Variants in ADAMTSL1 observed in about 807,000 individuals in gnomAD.
ADAMTSL1 encodes the protein ADAMTS-like protein 1.
A neutral mutation model predicts 201.8 loss-of-function variants in ADAMTSL1; 126 were observed. That is an observed-to-expected ratio of 0.62 (90% CI 0.54 to 0.72). ADAMTSL1 has a LOEUF of 0.72. ADAMTSL1 is among the 30% of genes least tolerant of loss of function. The probability of loss-of-function intolerance (pLI) is 0.00; values close to 1 mark genes in which losing one functional copy is unlikely to be tolerated. For synonymous variants in ADAMTSL1, 1,121 were observed against 903.4 expected, an observed-to-expected ratio of 1.24 and a Z score of -4.32; for missense variants, 2,679 against 2,277.8, an observed-to-expected ratio of 1.18 and a Z score of -3.59.
chr9:18,767,367 A>C (rs981246512), intron 16 of ADAMTSL1, among the ~76,000 whole-genome samples: 4 of 152,210 alleles, frequency 2.6e-5, no homozygotes, highest in African/African-American at 9.6e-5. Flanking sequence ...TATAGTCCCC[A>C]AATTTGGCAA....
At chr9:18,158,028 A>C (rs1320971239) in intron 1 of ADAMTSL1, among the ~76,000 whole-genome samples, 1 of 152,010 alleles carries the variant, frequency 6.6e-6, no homozygotes, top group Non-Finnish European at 1.5e-5. Flanking sequence ...TCACAGAGGT[A>C]AACAGAAGGT....
intron 3 of ADAMTSL1, among the ~76,000 whole-genome samples, chr9:18,544,187 T>C (rs1439537776): frequency 6.6e-6 from 1 of 152,180 alleles, no homozygotes; most frequent in Admixed American, 6.5e-5. Flanking sequence ...ACAATGGAAA[T>C]ACATGGGAAA....
At chr9:18,616,448 T>A (rs1825707631) in intron 4 of ADAMTSL1, among the ~76,000 whole-genome samples, 1 of 152,236 alleles carries the variant, frequency 6.6e-6, no homozygotes, top group South Asian at 2.1e-4. Context: ...TATATGACAT[T>A]GTCTTTCAGA....
At chr9:18,796,609 C>G (rs903849863) in intron 20 of ADAMTSL1, 5 of 152,262 alleles carry the variant, frequency 3.3e-5, no homozygotes, top group African/African-American at 1.2e-4. Context: ...CCCATGACTT[C>G]AGGCTGATCT....
intron 5 of ADAMTSL1, among the ~76,000 whole-genome samples, chr9:18,633,638 CTT>C (rs58807960): frequency 0.17 from 21,335 of 123,668 alleles, 2,193 homozygotes; most frequent in African/African-American, 0.33. Context: ...CTAATCTTAA[CTT>C]TTTTTTTTTT....
At chr9:18,387,314 C>A (rs1207824753) in intron 2 of ADAMTSL1, among the ~76,000 whole-genome samples, 1 of 151,954 alleles carries the variant, frequency 6.6e-6, no homozygotes, top group Admixed American at 6.6e-5. Flanking sequence ...ACCAGTCTTA[C>A]AGACATATAG....
chr9:18,079,609 G>A (rs542036644), intron 1 of ADAMTSL1, among the ~76,000 whole-genome samples: 2 of 151,852 alleles, frequency 1.3e-5, no homozygotes, highest in East Asian at 1.9e-4. Flanking sequence ...GTTAACCCAC[G>A]AGCTGGAGCT....
At chr9:18,630,857 T>G (rs1259785255) in intron 5 of ADAMTSL1, among the ~76,000 whole-genome samples, 1 of 152,172 alleles carries the variant, frequency 6.6e-6, no homozygotes, top group African/African-American at 2.4e-5. Flanking sequence ...GACAATGCAG[T>G]TAAGCACCTG....
intron 2 of ADAMTSL1, among the ~76,000 whole-genome samples, chr9:18,460,935 A>G (rs191386903): frequency 6.6e-6 from 1 of 152,200 alleles, no homozygotes; most frequent in African/African-American, 2.4e-5. Flanking sequence ...ACTCTTTATA[A>G]AAACATTTTA....
At chr9:18,308,813 T>A (rs1037416844) in intron 2 of ADAMTSL1, among the ~76,000 whole-genome samples, 1 of 151,984 alleles carries the variant, frequency 6.6e-6, no homozygotes, top group Non-Finnish European at 1.5e-5. Flanking sequence ...AGAAAAACAG[T>A]GAATCCTCCC....
intron 2 of ADAMTSL1, among the ~76,000 whole-genome samples, chr9:18,188,282 C>A (rs1306884705): frequency 6.6e-6 from 1 of 152,156 alleles, no homozygotes; most frequent in Admixed American, 6.6e-5. Context: ...CTCAACCCTA[C>A]ACACCGGCAG....
intron 2 of ADAMTSL1, among the ~76,000 whole-genome samples, chr9:18,395,990 A>C (rs1198300403): frequency 6.6e-6 from 1 of 152,184 alleles, no homozygotes; most frequent in Non-Finnish European, 1.5e-5. Flanking sequence ...TGTGGAAGGA[A>C]ACCTTTGATG....
intron 2 of ADAMTSL1, among the ~76,000 whole-genome samples, chr9:18,438,583 G>T (rs1235386674): frequency 1.3e-5 from 2 of 152,096 alleles, no homozygotes; most frequent in African/African-American, 2.4e-5. Flanking sequence ...GTCCCTTCCC[G>T]CACTGCCCTC....
intron 1 of ADAMTSL1, among the ~76,000 whole-genome samples, chr9:17,947,341 A>C (rs1225887089): frequency 6.8e-6 from 1 of 147,420 alleles, no homozygotes; most frequent in Non-Finnish European, 1.5e-5. Context: ...ACACACACAC[A>C]CACACCCCAC....
At chr9:18,860,790 G>A (rs1267189468) in intron 23 of ADAMTSL1, among the ~76,000 whole-genome samples, 1 of 152,060 alleles carries the variant, frequency 6.6e-6, no homozygotes. Context: ...AGAGATCTAA[G>A]AGCAAACTCT....
At chr9:18,828,478 A>G (rs930437666) in intron 22 of ADAMTSL1, among the ~76,000 whole-genome samples, 2 of 151,288 alleles carry the variant, frequency 1.3e-5, no homozygotes, top group African/African-American at 4.9e-5. Context: ...AAATCATGGT[A>G]TTCCAGAGTA....
At chr9:18,728,405 C>T (rs767022716) in intron 15 of ADAMTSL1, among the ~76,000 whole-genome samples, 12 of 151,958 alleles carry the variant, frequency 7.9e-5, no homozygotes, top group Non-Finnish European at 1.2e-4. Flanking sequence ...CGTTGGTTAA[C>T]GTTAACTTTC....
chr9:18,020,711 C>G (rs73643497), intron 1 of ADAMTSL1, among the ~76,000 whole-genome samples: 3,339 of 152,140 alleles, frequency 0.022, 87 homozygotes, highest in African/African-American at 0.066. Flanking sequence ...CAGAGTCAAA[C>G]CATATCACCC....
At chr9:18,259,318 A>C (rs1292175204) in intron 2 of ADAMTSL1, among the ~76,000 whole-genome samples, 6 of 152,038 alleles carry the variant, frequency 3.9e-5, no homozygotes, top group African/African-American at 1.2e-4. Flanking sequence ...TGAACCCAGG[A>C]GTTTAAGACC....
Sources: allele counts gnomAD v4.1 joint callset (sites outside exome capture counted in the v4.1 genomes callset), GRCh38; gene constraint gnomAD v4.1.1; transcripts MANE v1.5; gene names NCBI Gene and HGNC (gene_info 2026-07-23, HGNC 2026-07-21).